Variants in TMEM178B observed in about 807,000 individuals in gnomAD.
The protein encoded by TMEM178B is transmembrane protein 178B.
A neutral mutation model predicts 31.0 loss-of-function variants in TMEM178B; 5 were observed. That is an observed-to-expected ratio of 0.16 (90% confidence interval 0.08 to 0.34). TMEM178B has a LOEUF of 0.34. Ranked by LOEUF, TMEM178B falls within the 10% of genes least tolerant of loss-of-function variation. TMEM178B has a pLI of 1.00. For synonymous variants in TMEM178B, 164 were observed against 164.0 expected, an observed-to-expected ratio of 1.00 and a Z score of 0.00; for missense variants, 275 against 400.3, an observed-to-expected ratio of 0.69 and a Z score of 2.67.
chr7:141,340,247 C>T (rs892980343), intron 2 of TMEM178B, among the ~76,000 whole-genome samples: 4 of 152,184 alleles, frequency 2.6e-5, no homozygotes, highest in Non-Finnish European at 4.4e-5. Flanking sequence ...GCCCAGCTGA[C>T]AGCTGGATTT....
At chr7:141,285,536 G>A (rs949042583) in intron 2 of TMEM178B, among the ~76,000 whole-genome samples, 1 of 151,914 alleles carries the variant, frequency 6.6e-6, no homozygotes, top group Non-Finnish European at 1.5e-5. Flanking sequence ...ATATTTTCCT[G>A]AAAATTTATG....
intron 2 of TMEM178B, among the ~76,000 whole-genome samples, chr7:141,277,407 C>T (rs575975077): frequency 7.2e-4 from 110 of 152,222 alleles, no homozygotes; most frequent in African/African-American, 2.5e-3. Context: ...CGCTGTCTTC[C>T]ACCTCCGCAT....
At chr7:141,325,763 C>A (rs750573100) in intron 2 of TMEM178B, among the ~76,000 whole-genome samples, 31 of 152,270 alleles carry the variant, frequency 2.0e-4, no homozygotes, top group African/African-American at 7.2e-4. Flanking sequence ...GCAGCTTTTC[C>A]ACCTGGGATG....
intron 2 of TMEM178B, among the ~76,000 whole-genome samples, chr7:141,307,538 G>A (rs1011920701): frequency 1.3e-5 from 2 of 152,164 alleles, no homozygotes; most frequent in Admixed American, 6.5e-5. Flanking sequence ...AGACTCTGCC[G>A]GAGCACATAT....
intron 3 of TMEM178B, among the ~76,000 whole-genome samples, chr7:141,460,962 C>T (rs992891134): frequency 1.3e-5 from 2 of 152,290 alleles, no homozygotes; most frequent in East Asian, 1.9e-4. Context: ...ATGATGCAAT[C>T]GTGTATAATT....
rs1443342803 is a variant in TMEM178B, at chr7:141,163,539, G to A, written c.383-49052G>A. Among the ~76,000 whole-genome samples, 3 of 147,544 alleles carry A rather than the reference G, an allele frequency of 2.0e-5. No individual in the cohort carries two copies. In the South Asian group the frequency reaches 6.4e-4, roughly 31 times the overall value. On this transcript the variant is annotated intron_variant, in intron 1 of 3. Coordinates refer to ENST00000565468, the MANE Select transcript of TMEM178B (RefSeq NM_001195278.2). ...TTTTTTTTTTTTTTTTTGAGACGGT[G>A]TCTTGTTCTGTGGCCCAGGCTGGTG...
At chr7:141,082,962 G>A (rs1794710682) in intron 1 of TMEM178B, among the ~76,000 whole-genome samples, 1 of 152,178 alleles carries the variant, frequency 6.6e-6, no homozygotes, top group Non-Finnish European at 1.5e-5. Flanking sequence ...GTCAATTAGA[G>A]GATCAATACT....
At chr7:141,483,112 G>A (rs1053677342), downstream of TMEM178B, among the ~76,000 whole-genome samples, 11 of 152,140 alleles carry the variant, frequency 7.2e-5, no homozygotes, top group Admixed American at 2.6e-4. Context: ...ATTCTCATCA[G>A]GCAAGGTATT....
chr7:141,422,255 G>A lies in TMEM178B; in HGVS notation c.497-15353G>A, dbSNP rs557390407. Among the ~76,000 whole-genome samples the A allele has an allele frequency of 6.6e-6, 1 of 152,324 alleles. No homozygotes were observed. The highest frequency in any genetic ancestry group is 2.1e-4 in the South Asian group (1 of 4,820). ...CTCTCCGGGCCCTCCATGTGGTGGG[G>A]CCCAAAGGCTGGCTCTCCCTCTCTT... is the stretch of plus-strand genomic sequence containing the variant. On this transcript the variant is annotated intron_variant, in intron 2 of 3. Coordinates refer to ENST00000565468, the MANE Select transcript of TMEM178B (RefSeq NM_001195278.2). This position sits in a 1 kb window ranked among gnomAD's most constrained non-coding sequence, Gnocchi z 4.2.
intron 2 of TMEM178B, among the ~76,000 whole-genome samples, chr7:141,254,488 C>T (rs1044039327): frequency 5.9e-5 from 9 of 152,120 alleles, no homozygotes; most frequent in African/African-American, 1.2e-4. Context: ...AAGGCCGAGG[C>T]GGGTGGATCA....
chr7:141,329,556 A>G (rs1254387699), intron 2 of TMEM178B, among the ~76,000 whole-genome samples: 1 of 152,184 alleles, frequency 6.6e-6, no homozygotes, highest in Non-Finnish European at 1.5e-5. Flanking sequence ...CAACATATTC[A>G]GGTAAAGTCA....
chr7:141,093,082 A>T (rs1023718674), intron 1 of TMEM178B, among the ~76,000 whole-genome samples: 2 of 152,192 alleles, frequency 1.3e-5, no homozygotes, highest in African/African-American at 4.8e-5. Context: ...GCACTGCAGG[A>T]TTTTGAGAAG....
At chr7:141,484,291 C>T (rs916539580), downstream of TMEM178B, among the ~76,000 whole-genome samples, 1 of 152,102 alleles carries the variant, frequency 6.6e-6, no homozygotes, top group Non-Finnish European at 1.5e-5. The surrounding 1 kb of genome is among the most constrained non-coding windows in gnomAD (Gnocchi z 4.8). Context: ...TACTCATTCC[C>T]TCTGCAGAAC....
At position 141,200,128 on chromosome 7, in the gene TMEM178B, G is replaced by A. The variant is rs548403015; in HGVS notation, c.383-12463G>A. ...ACCCCTGGGCTCAAGTGATTCTCCC[G>A]CCTCGGCTTGCCAAAGTCTTAGGAT... is the stretch of plus-strand genomic sequence containing the variant. On this transcript the variant is annotated intron_variant, in intron 1 of 3. Coordinates refer to ENST00000565468, the MANE Select transcript of TMEM178B (RefSeq NM_001195278.2). Among the ~76,000 whole-genome samples, 27 of 152,230 alleles carry A rather than the reference G, an allele frequency of 1.8e-4. No individual in the cohort carries two copies. In the East Asian group the frequency reaches 5.2e-3, roughly 29 times the overall value.
chr7:141,146,803 C>G (rs1488201471), intron 1 of TMEM178B, among the ~76,000 whole-genome samples: 1 of 152,196 alleles, frequency 6.6e-6, no homozygotes, highest in Non-Finnish European at 1.5e-5. Context: ...TTCTACCATC[C>G]TTTCCCACCC....
At chr7:141,459,015 GGTTT>G (rs201056025) in intron 3 of TMEM178B, among the ~76,000 whole-genome samples, 7,257 of 152,032 alleles carry the variant, frequency 0.048, 434 homozygotes, top group African/African-American at 0.14. Flanking sequence ...ATGTTTTTTT[GGTTT>G]GTTTGTTTGT....
At chr7:141,331,998 CT>C (rs1300081512) in intron 2 of TMEM178B, among the ~76,000 whole-genome samples, 1 of 152,190 alleles carries the variant, frequency 6.6e-6, no homozygotes, top group Non-Finnish European at 1.5e-5. Flanking sequence ...TGGTTTTCCC[CT>C]GTGTTCTCAG....
chr7:141,419,389 C>A (rs753859097), intron 2 of TMEM178B, among the ~76,000 whole-genome samples: 8 of 152,042 alleles, frequency 5.3e-5, no homozygotes, highest in Non-Finnish European at 1.2e-4. Flanking sequence ...TCATCTTTCC[C>A]CTTCTCTCAT....
chr7:141,179,299 G>A (rs1007649094), intron 1 of TMEM178B, among the ~76,000 whole-genome samples: 1 of 152,138 alleles, frequency 6.6e-6, no homozygotes, highest in Non-Finnish European at 1.5e-5. Flanking sequence ...TGATTTGAAG[G>A]GTTAATAATA....
Sources: allele counts gnomAD v4.1 joint callset (sites outside exome capture counted in the v4.1 genomes callset), GRCh38; gene constraint gnomAD v4.1.1; non-coding constraint Gnocchi (gnomAD v3.1); transcripts MANE v1.5; gene names NCBI Gene and HGNC (gene_info 2026-07-23, HGNC 2026-07-21).